Variants in STK11 observed in about 807,000 individuals in gnomAD.
STK11 encodes the protein serine/threonine kinase 11, also known as serine/threonine-protein kinase STK11.
Under a neutral mutation model 47.3 loss-of-function variants are expected in STK11, and 8 were observed. The observed-to-expected ratio is 0.17, with a 90% CI of 0.10 to 0.31. The LOEUF (loss-of-function observed/expected upper bound fraction) is 0.31, where lower values mean the gene tolerates loss of function less well. Ranked by LOEUF, STK11 falls within the 10% of genes least tolerant of loss-of-function variation. STK11 has a pLI of 1.00. For synonymous variants in STK11, 330 were observed against 255.8 expected, an observed-to-expected ratio of 1.29 and a Z score of -2.77; for missense variants, 475 against 605.0, an observed-to-expected ratio of 0.79 and a Z score of 2.25.
intron 8 of STK11, chr19:1,225,281 T>G: frequency 1.0e-6 from 1 of 984,908 alleles, no homozygotes; most frequent in Non-Finnish European, 1.2e-6. Context: ...TTTATCTTTT[T>G]TTTTTTTTGG....
intron 1 of STK11, chr19:1,216,386 C>T (rs2145417955): frequency 5.9e-6 from 1 of 169,870 alleles, no homozygotes; most frequent in Admixed American, 6.4e-5. Context: ...TCCAGACCAT[C>T]CTGGCCAACA....
chr19:1,225,118 A>G, intron 8 of STK11: 1 of 985,676 alleles, frequency 1.0e-6, no homozygotes, highest in Non-Finnish European at 1.2e-6. Flanking sequence ...ACCAGTGCAG[A>G]CAGGAGTGTG....
chr19:1,210,641 G>T (rs953650967), intron 1 of STK11, among the ~76,000 whole-genome samples: 1 of 152,202 alleles, frequency 6.6e-6, no homozygotes, highest in Non-Finnish European at 1.5e-5. Context: ...AGGCCAAGGC[G>T]GGTGGATCAC....
intron 7 of STK11, 101 bp downstream of exon 7, chr19:1,222,107 A>G: frequency 7.1e-7 from 1 of 1,401,462 alleles, no homozygotes; most frequent in South Asian, 1.2e-5. Flanking sequence ...TGGGGGTGCC[A>G]GGCTGGGCTG....
intron 8 of STK11, chr19:1,225,188 C>A: frequency 1.0e-6 from 1 of 985,406 alleles, no homozygotes; most frequent in Non-Finnish European, 1.2e-6. Flanking sequence ...GGCACCTTGT[C>A]CACAGGGTCT....
At chr19:1,225,254 T>C (rs2080812770) in intron 8 of STK11, 3 of 983,906 alleles carry the variant, frequency 3.0e-6, no homozygotes, top group South Asian at 4.7e-5. Flanking sequence ...AATTGGTGCC[T>C]CCTCACCAAG....
intron 9 of STK11, 79 bp downstream of exon 9, chr19:1,226,742 C>T (rs1043569546): frequency 1.6e-5 from 22 of 1,407,658 alleles, no homozygotes; most frequent in South Asian, 1.2e-4. Flanking sequence ...ATAGCCCGCG[C>T]TAGTCAGTCA....
rs561359794 is a variant in STK11, at chr19:1,227,776, C to T, written c.*200C>T. On this transcript the variant is annotated 3_prime_UTR_variant, in exon 10 of 10. Transcript: ENST00000326873. Reference sequence around the variant, plus strand: ...CCGGGCGCAGCCCTCCCCCCTCGGCCGCCCGGCAGTGCACGCGGCTTGTTG... The same window carrying T: ...CCGGGCGCAGCCCTCCCCCCTCGGCTGCCCGGCAGTGCACGCGGCTTGTTG... 9.3e-7 allele frequency: 1 copy of T among 1,074,062 alleles called. No individual in the cohort carries two copies. The highest frequency in any genetic ancestry group is 4.7e-5 in the East Asian group (1 of 21,174). 66.5% of individuals were successfully genotyped at this position (1,074,062 alleles called of 1,614,324 possible). A position where few individuals can be genotyped will look rare whatever the true frequency, so the allele number is the denominator to read the frequency against.
At chr19:1,215,516 C>T (rs1329744846) in intron 1 of STK11, among the ~76,000 whole-genome samples, 1 of 152,236 alleles carries the variant, frequency 6.6e-6, no homozygotes, top group Non-Finnish European at 1.5e-5. Flanking sequence ...TCCTGCTCTC[C>T]TAGCCCCTCC....
chr19:1,227,983 G>C lies in STK11; in HGVS notation c.*407G>C. On this transcript the variant is annotated 3_prime_UTR_variant, in exon 10 of 10. Transcript: ENST00000326873. Reference sequence around the variant, plus strand: ...GTGTGGAGACCAGGCTCCTGACCCCGCCATGCATGCAGCGCCACCTGGAAG... The same window carrying C: ...GTGTGGAGACCAGGCTCCTGACCCCCCCATGCATGCAGCGCCACCTGGAAG... The C allele has an allele frequency of 9.4e-7, 1 of 1,068,738 alleles. No homozygotes were observed. The highest frequency in any genetic ancestry group is 1.1e-6 in the Non-Finnish European group (1 of 881,370). 66.2% of individuals were successfully genotyped at this position (1,068,738 alleles called of 1,614,324 possible).
chr19:1,223,530 A>G, intron 8 of STK11: 1 of 998,082 alleles, frequency 1.0e-6, no homozygotes. Flanking sequence ...GTCAGGGTGC[A>G]GGGTGGCCCC....
intron 8 of STK11, among the ~76,000 whole-genome samples, chr19:1,223,452 C>T (rs1013964523): frequency 2.6e-5 from 4 of 152,234 alleles, no homozygotes; most frequent in Admixed American, 1.3e-4. Context: ...GCACCACCCA[C>T]CGGCCTTGGC....
At chr19:1,226,111 G>A in intron 8 of STK11, 1 of 1,134,414 alleles carries the variant, frequency 8.8e-7, no homozygotes, top group Non-Finnish European at 1.1e-6. Flanking sequence ...GGGTGCCCCA[G>A]GGGAGCACGG....
intron 1 of STK11, among the ~76,000 whole-genome samples, chr19:1,207,456 C>T (rs1599915654): frequency 6.6e-6 from 1 of 152,188 alleles, no homozygotes; most frequent in Admixed American, 6.5e-5. Flanking sequence ...AGTTAAAATG[C>T]CCTGGTAGCG....
At chr19:1,213,720 G>C (rs1341470961) in intron 1 of STK11, among the ~76,000 whole-genome samples, 1 of 152,246 alleles carries the variant, frequency 6.6e-6, no homozygotes, top group East Asian at 1.9e-4. Flanking sequence ...AATTGTGGCT[G>C]CTTTGGTGCA....
intron 1 of STK11, among the ~76,000 whole-genome samples, chr19:1,211,139 G>C (rs565780092): frequency 6.6e-6 from 1 of 152,224 alleles, no homozygotes; most frequent in African/African-American, 2.4e-5. Flanking sequence ...GCCAGGCGTG[G>C]TGGCGCGCGC....
At chr19:1,212,234 C>T (rs1013519584) in intron 1 of STK11, among the ~76,000 whole-genome samples, 1 of 151,364 alleles carries the variant, frequency 6.6e-6, no homozygotes, top group Non-Finnish European at 1.5e-5. Context: ...CCCACAAACG[C>T]CACCGTATTG....
Position 1,220,394 on chromosome 19 carries a change from C to T in STK11, c.486C>T (p.Asp162=), listed in dbSNP as rs1269329328. The T allele has an allele frequency of 6.2e-6, 10 of 1,603,326 alleles. No homozygotes were observed. The East Asian group carries it at 1.1e-4, about 18-fold the overall frequency. Residue 162 remains aspartate, a synonymous_variant, in exon 4 of 10, where the codon GAC becomes GAT. Coordinates refer to ENST00000326873, the MANE Select transcript of STK11 (RefSeq NM_000455.5). ...GCAGGTACTTCTGTCAGCTGATTGA[C>T]GGCCTGGAGTACCTGCATAGCCAGG... ...QAHGYFCQLI[D]GLEYLHSQGI...
intron 8 of STK11, chr19:1,224,864 C>T (rs117748113): frequency 1.0e-6 from 1 of 985,624 alleles, no homozygotes; most frequent in South Asian, 4.7e-5. Flanking sequence ...TCCCACTGCT[C>T]AGATGCTGGG....
Sources: gnomAD v4.1 joint callset for allele counts (sites outside exome capture counted in the v4.1 genomes callset) on GRCh38, gnomAD v4.1.1 for gene constraint, MANE v1.5 for transcripts, NCBI Gene and HGNC (gene_info 2026-07-23, HGNC 2026-07-21) for gene names.